The following PCBP3 variants were observed in gnomAD, a reference collection of about 807,000 sequenced individuals.
The protein encoded by PCBP3 is poly(rC)-binding protein 3.
A neutral mutation model predicts 52.7 loss-of-function variants in PCBP3; 25 were observed. The observed-to-expected ratio is 0.47, with a 90% CI of 0.35 to 0.66. The LOEUF is 0.66. Among genes scored for constraint, PCBP3 ranks in the 30% least tolerant of loss-of-function variants. PCBP3 has a pLI of 0.01. For synonymous variants in PCBP3, 162 were observed against 183.0 expected (o/e 0.89, Z 0.93); for missense variants, 391 against 490.3 (o/e 0.80, Z 1.91).
At chr21:45,696,231 T>C (rs924276566) in intron 2 of PCBP3, among the ~76,000 whole-genome samples, 2 of 152,098 alleles carry the variant, frequency 1.3e-5, no homozygotes, top group African/African-American at 4.8e-5. Flanking sequence ...GTAACGCTGC[T>C]AGAGGAAAAT....
At chr21:45,926,323 TCATTCTA>T (rs2075402783) in intron 13 of PCBP3, among the ~76,000 whole-genome samples, 1 of 152,222 alleles carries the variant, frequency 6.6e-6, no homozygotes, top group Non-Finnish European at 1.5e-5. Context: ...GCACAGCTCG[TCATTCTA>T]AATGACGCTG....
chr21:45,804,943 TGGCA>T lies in PCBP3; in HGVS notation c.-125-45014_-125-45011del, dbSNP rs150217992. On this transcript the variant is annotated intron_variant, in intron 4 of 17. Transcript: ENST00000681687. ...CATGGTTGAAATTCTAACCCTGCCG[TGGCA>T]GGCCCTGTGCTTTTGTGAAATGGGC... Among the ~76,000 whole-genome samples the T allele has an allele frequency of 6.6e-3, 1,001 of 152,142 alleles. 8 individuals carry two copies. The highest frequency in any genetic ancestry group is 0.023 in the African/African-American group (951 of 41,516).
chr21:45,844,988 T>G (rs1046373515), intron 4 of PCBP3, among the ~76,000 whole-genome samples: 4 of 152,086 alleles, frequency 2.6e-5, no homozygotes, highest in African/African-American at 9.7e-5. Context: ...AGAAGCTTCC[T>G]TTTATGAATT....
intron 4 of PCBP3, among the ~76,000 whole-genome samples, chr21:45,756,764 C>A (rs975761917): frequency 6.6e-6 from 1 of 152,116 alleles, no homozygotes; most frequent in Admixed American, 6.5e-5. Context: ...CAACATGTGG[C>A]TTTTGGTGTC....
chr21:45,740,733 G>A (rs570149675), intron 3 of PCBP3, among the ~76,000 whole-genome samples: 7 of 151,584 alleles, frequency 4.6e-5, no homozygotes, highest in South Asian at 2.1e-4. Flanking sequence ...AGGTGTGCAC[G>A]CATGCGTGTG....
At chr21:45,893,865 G>A in intron 5 of PCBP3, 1 of 985,408 alleles carries the variant, frequency 1.0e-6, no homozygotes, top group Non-Finnish European at 1.2e-6. Flanking sequence ...TCCGAGCATG[G>A]GCTGCTGCAG....
At chr21:45,644,906 C>G (rs62215028) in intron 1 of PCBP3, among the ~76,000 whole-genome samples, 2,584 of 152,272 alleles carry the variant, frequency 0.017, 41 homozygotes, top group Non-Finnish European at 0.026. Flanking sequence ...TTTTTCTTTT[C>G]TTTGGACTTT....
At chr21:45,898,095 C>G (rs2095877385) in intron 6 of PCBP3, among the ~76,000 whole-genome samples, 1 of 152,160 alleles carries the variant, frequency 6.6e-6, no homozygotes, top group Non-Finnish European at 1.5e-5. Context: ...GCAGTGGAGA[C>G]AGAGGGACCT....
Position 45,791,468 on chromosome 21 carries a change from T to C in PCBP3, c.-126+36016T>C, listed in dbSNP as rs1443461451. ...TGAGACTTTAATAGGGTGTGGCTTT[T>C]GTCAAGCAAGGACAAGGAACCAAGC... On this transcript the variant is annotated intron_variant, in intron 4 of 17. Transcript: ENST00000681687. The surrounding 1 kb of genome is among the most constrained non-coding windows in gnomAD (Gnocchi z 4.2). 6.6e-6 allele frequency among the ~76,000 whole-genome samples: 1 copy of C among 152,046 alleles called. No individual in the cohort carries two copies. Among genetic ancestry groups the C allele is most frequent in the Non-Finnish European group, 1.5e-5 (1 of 68,026 alleles).
At chr21:45,828,377 G>A (rs746930568) in intron 4 of PCBP3, 1 of 152,178 alleles carries the variant, frequency 6.6e-6, no homozygotes, top group Non-Finnish European at 1.5e-5. Flanking sequence ...TCTCGCTCTG[G>A]ATCTGCCCCC....
At chr21:45,862,596 C>T (rs1440489653) in intron 5 of PCBP3, among the ~76,000 whole-genome samples, 1 of 152,124 alleles carries the variant, frequency 6.6e-6, no homozygotes, top group Non-Finnish European at 1.5e-5. Flanking sequence ...CTCCGATACT[C>T]GTTATTTTAG....
chr21:45,816,803 A>T (rs2092978517), intron 4 of PCBP3, among the ~76,000 whole-genome samples: 1 of 151,728 alleles, frequency 6.6e-6, no homozygotes, highest in Non-Finnish European at 1.5e-5. Context: ...ATAGTATAGT[A>T]AATACACAAA....
intron 1 of PCBP3, among the ~76,000 whole-genome samples, chr21:45,646,079 CTCTT>C (rs1361162922): frequency 1.9e-4 from 21 of 113,122 alleles, no homozygotes; most frequent in African/African-American, 4.3e-4. Flanking sequence ...CTCTCTCTCT[CTCTT>C]TCTCTCTCTC....
chr21:45,926,610 A>G (rs2075446698), intron 13 of PCBP3, among the ~76,000 whole-genome samples: 1 of 152,126 alleles, frequency 6.6e-6, no homozygotes. Context: ...TGGACAGGAC[A>G]GAGCTGCCCA....
intron 4 of PCBP3, among the ~76,000 whole-genome samples, chr21:45,810,601 A>AT (rs917674868): frequency 2.6e-5 from 4 of 151,948 alleles, no homozygotes; most frequent in South Asian, 2.1e-4. Context: ...TTTGGTAATG[A>AT]TTTTTTATAG....
At chr21:45,794,823 G>A (rs1303523565) in intron 4 of PCBP3, among the ~76,000 whole-genome samples, 1 of 152,040 alleles carries the variant, frequency 6.6e-6, no homozygotes, top group Non-Finnish European at 1.5e-5. Flanking sequence ...CAGCTACTTG[G>A]GAGGCTGAGG....
chr21:45,740,666 C>T (rs2086371057), intron 3 of PCBP3, among the ~76,000 whole-genome samples: 1 of 150,514 alleles, frequency 6.6e-6, no homozygotes, highest in Admixed American at 6.6e-5. Context: ...TATTTACCCA[C>T]ACAGGTCTGT....
At chr21:45,900,569 A>G (rs777882388) in intron 7 of PCBP3, 22 bp from the exon 8 acceptor site, 3 of 1,537,946 alleles carry the variant, frequency 2.0e-6, no homozygotes, top group Middle Eastern at 1.8e-4. Flanking sequence ...CCTTTTCCTT[A>G]TTGTCTAAAT....
intron 5 of PCBP3, 69 bp from the exon 6 acceptor site, chr21:45,896,139 C>T (rs916000101): frequency 6.8e-7 from 1 of 1,466,478 alleles, no homozygotes; most frequent in Non-Finnish European, 9.3e-7. Context: ...GGGAGCGGCC[C>T]AGGACACCCC....
Sources: allele counts gnomAD v4.1 joint callset (sites outside exome capture counted in the v4.1 genomes callset), GRCh38; gene constraint gnomAD v4.1.1; non-coding constraint Gnocchi (gnomAD v3.1); transcripts MANE v1.5; gene names NCBI Gene and HGNC (gene_info 2026-07-23, HGNC 2026-07-21).